The following MMP16 variants were observed in gnomAD, a reference collection of about 807,000 sequenced individuals.
MMP16 encodes matrix metallopeptidase 16.
In MMP16, 12 loss-of-function variants were observed where a neutral mutation model predicts 67.8. The observed-to-expected ratio is 0.18, with a 90% CI of 0.11 to 0.29. The LOEUF is 0.29. Among genes scored for constraint, MMP16 ranks in the 10% least tolerant of loss-of-function variants. MMP16 has a pLI of 1.00. For synonymous variants in MMP16, 249 were observed against 255.9 expected, an observed-to-expected ratio of 0.97 and a Z score of 0.26; for missense variants, 475 against 765.7, an observed-to-expected ratio of 0.62 and a Z score of 4.48.
chr8:88,319,219 G>T (rs959133126), intron 1 of MMP16, among the ~76,000 whole-genome samples: 1 of 152,004 alleles, frequency 6.6e-6, no homozygotes, highest in Non-Finnish European at 1.5e-5. Flanking sequence ...CTCCAAAAAG[G>T]ATTTTAGTCA....
intron 1 of MMP16, among the ~76,000 whole-genome samples, chr8:88,245,418 G>T (rs909249098): frequency 1.3e-5 from 2 of 152,168 alleles, no homozygotes; most frequent in African/African-American, 4.8e-5. Context: ...GAAATCAACA[G>T]CATTACAGTA....
chr8:88,292,198 T>C (rs1173570217), intron 1 of MMP16, among the ~76,000 whole-genome samples: 3 of 152,240 alleles, frequency 2.0e-5, no homozygotes, highest in Non-Finnish European at 4.4e-5. Context: ...AATTATATTT[T>C]AAAATTAGAA....
At chr8:88,116,479 T>TAAA in intron 6 of MMP16, 28 bp downstream of exon 6, 7 of 1,267,494 alleles carry the variant, frequency 5.5e-6, no homozygotes, top group African/African-American at 1.5e-5. Flanking sequence ...GATCTACTGT[T>TAAA]AAAAAAAAAA....
rs894837510 is a variant in MMP16 at position 88,279,360 on chromosome 8, C to G, written c.132+47715G>C. Among the ~76,000 whole-genome samples the G allele has an allele frequency of 4.6e-5, 7 of 151,904 alleles. No homozygotes were observed. In the East Asian group the frequency reaches 1.3e-3, roughly 29 times the overall value. Reference sequence around the variant, plus strand: ...ATTGATAATAATATGTTCCTTTTTCCTTTCTTAACATGGTTAATAGAATGT... The same window carrying G: ...ATTGATAATAATATGTTCCTTTTTCGTTTCTTAACATGGTTAATAGAATGT... On this transcript the variant is annotated intron_variant, in intron 1 of 9. Coordinates refer to ENST00000286614, the MANE Select transcript of MMP16 (RefSeq NM_005941.5).
intron 6 of MMP16, among the ~76,000 whole-genome samples, chr8:88,104,396 G>A (rs1809199010): frequency 6.6e-6 from 1 of 151,566 alleles, no homozygotes; most frequent in Admixed American, 6.6e-5. Flanking sequence ...TGTACAGCCA[G>A]TGCATAATAA....
chr8:88,107,806 A>C (rs1445995785), intron 6 of MMP16, among the ~76,000 whole-genome samples: 1 of 151,188 alleles, frequency 6.6e-6, no homozygotes. Context: ...TTAACAAAAA[A>C]CATAAATACA....
intron 6 of MMP16, among the ~76,000 whole-genome samples, chr8:88,088,108 G>A (rs1260403934): frequency 0.014 from 227 of 16,240 alleles, 1 homozygote; most frequent in Non-Finnish European, 0.039. Context: ...TCTGCTGACT[G>A]TAAGTACAGA....
intron 1 of MMP16, among the ~76,000 whole-genome samples, chr8:88,326,335 A>C (rs1811537098): frequency 6.6e-6 from 1 of 152,102 alleles, no homozygotes; most frequent in Non-Finnish European, 1.5e-5. Context: ...TCTGTTCCCA[A>C]AGCTATCAAA....
At chr8:88,285,337 A>G (rs1056179533) in intron 1 of MMP16, among the ~76,000 whole-genome samples, 7 of 151,978 alleles carry the variant, frequency 4.6e-5, no homozygotes, top group African/African-American at 1.7e-4. Context: ...ATGGGGTTTC[A>G]CCAGGTTGGC....
rs1008018452 is a variant in MMP16, at chr8:88,301,178, C to T, written c.132+25897G>A. Among the ~76,000 whole-genome samples, 4 of 152,062 alleles carry T rather than the reference C, an allele frequency of 2.6e-5. No homozygotes were observed. In the South Asian group the frequency reaches 8.3e-4, roughly 31 times the overall value. On this transcript the variant is annotated intron_variant, in intron 1 of 9. Coordinates refer to ENST00000286614, the MANE Select transcript of MMP16 (RefSeq NM_005941.5). The stretch of plus-strand genomic sequence containing the variant: ...GCTCTAATAATTGTAGAACACAGTA[C>T]AAATATTCTTCATAGCAATGCTAAG...
intron 9 of MMP16, among the ~76,000 whole-genome samples, chr8:88,042,558 T>G (rs1808147074): frequency 6.6e-6 from 1 of 152,304 alleles, no homozygotes; most frequent in East Asian, 1.9e-4. Flanking sequence ...CCTAGCTATA[T>G]TTTAGAGAAC....
At chr8:88,145,854 G>T (rs552325762) in intron 4 of MMP16, among the ~76,000 whole-genome samples, 1 of 151,948 alleles carries the variant, frequency 6.6e-6, no homozygotes, top group Non-Finnish European at 1.5e-5. Context: ...ATATTTGGTT[G>T]TTGTAATTCA....
intron 6 of MMP16, among the ~76,000 whole-genome samples, chr8:88,076,740 A>G (rs1439972384): frequency 6.6e-6 from 1 of 152,184 alleles, no homozygotes; most frequent in East Asian, 1.9e-4. Flanking sequence ...AACCTTGCCA[A>G]TCTCCAAATA....
At chr8:88,168,412 T>C (rs1190418983) in intron 3 of MMP16, among the ~76,000 whole-genome samples, 5 of 152,186 alleles carry the variant, frequency 3.3e-5, no homozygotes, top group African/African-American at 1.2e-4. Context: ...TCTTGATCTG[T>C]AAATATGAAT....
intron 1 of MMP16, among the ~76,000 whole-genome samples, chr8:88,279,595 A>G (rs1248946204): frequency 1.3e-5 from 2 of 152,146 alleles, no homozygotes; most frequent in Non-Finnish European, 2.9e-5. Flanking sequence ...TGGAGACACA[A>G]TCTCATGAAG....
In MMP16 at chr8:88,118,765, T is replaced by C; in HGVS notation, c.806A>G (p.Gln269Arg). The change falls in exon 5 of 10, where the codon CAG becomes CGG. Residue 269 changes from glutamine (Q) to arginine (R), a missense_variant. This residue lies in a region of MMP16 where 195 missense variants were observed against 300.9 expected (regional missense o/e 0.65). Transcript: ENST00000286614. ...TTTGAAGTTGTCTGTTTCCATGTACTGGTAAAATGGAGCCATGATGGCAGT... is the reference window on the plus strand; with the variant it reads ...TTTGAAGTTGTCTGTTTCCATGTACCGGTAAAATGGAGCCATGATGGCAGT... The part of the protein sequence containing the change: ...DPTAIMAPFY[Q>R]YMETDNFKLP... The C allele has an allele frequency of 6.2e-7, 1 of 1,613,348 alleles. No individual in the cohort carries two copies. Among genetic ancestry groups the C allele is most frequent in the Non-Finnish European group, 8.5e-7 (1 of 1,179,486 alleles).
intron 4 of MMP16, among the ~76,000 whole-genome samples, chr8:88,158,523 T>C (rs938807060): frequency 2.1e-3 from 322 of 152,378 alleles, no homozygotes; most frequent in Non-Finnish European, 3.3e-3. Flanking sequence ...GTTGTTTTTT[T>C]CTTGTAAATT....
rs562844629 is a variant in MMP16, at chr8:88,054,310, A to G, written c.1373+1818T>C. 3.8e-4 allele frequency among the ~76,000 whole-genome samples: 58 copies of G among 152,072 alleles called. 1 individual carries two copies. The highest frequency in any genetic ancestry group is 1.3e-3 in the African/African-American group (55 of 41,484). ...TTTTTGAGAAAAAGAAAAAAGTGCA[A>G]CTCCGTATAGTACCGAGTTCTGCAT... is the stretch of plus-strand genomic sequence containing the variant. On this transcript the variant is annotated intron_variant, in intron 8 of 9. Coordinates refer to ENST00000286614, the MANE Select transcript of MMP16 (RefSeq NM_005941.5).
chr8:88,110,487 A>T (rs1310210432), intron 6 of MMP16, among the ~76,000 whole-genome samples: 1 of 151,524 alleles, frequency 6.6e-6, no homozygotes, highest in Non-Finnish European at 1.5e-5. Context: ...TGTCTTGACG[A>T]TTGCTCCCTT....
Sources: allele counts gnomAD v4.1 joint callset (sites outside exome capture counted in the v4.1 genomes callset), GRCh38; gene constraint gnomAD v4.1.1; regional missense constraint gnomAD v4.1.1; transcripts MANE v1.5; gene names NCBI Gene and HGNC (gene_info 2026-07-23, HGNC 2026-07-21).